Variants in HMGN5 observed in about 807,000 individuals in gnomAD.
HMGN5 encodes high mobility group nucleosome binding domain 5, also known as high mobility group nucleosome-binding domain-containing protein 5.
Under a neutral mutation model 9.5 loss-of-function variants are expected in HMGN5, and 4 were observed. The ratio of observed to expected loss-of-function variants is 0.42; its 90% CI spans 0.21 to 0.96. The LOEUF is 0.96. Among genes scored for constraint, HMGN5 ranks in the 40% least tolerant of loss-of-function variants. The pLI is 0.30. For synonymous variants in HMGN5, 55 were observed against 57.1 expected (o/e 0.96, Z 0.16); for missense variants, 192 against 187.5 (o/e 1.02, Z -0.14).
chrX:81,118,500 G>A lies in HMGN5; in HGVS notation c.76-15C>T. On this transcript the variant is annotated splice_polypyrimidine_tract_variant and intron_variant, in intron 4 of 6. Transcript: ENST00000358130. ...GGCACAAGCATCTGCTTCAAGTTGT[G>A]GGAAAAGAAAAGAAAAGGAAAAAAA... 8.7e-7 allele frequency: 1 copy of A among 1,147,625 alleles called. No individual in the cohort carries two copies. The highest frequency in any genetic ancestry group is 1.8e-5 in the African/African-American group (1 of 55,017). 94.6% of individuals were successfully genotyped at this position (1,147,625 alleles called of 1,213,427 possible).
chrX:81,154,193 A>G lies in HMGN5; in HGVS notation c.-123-32521T>C, dbSNP rs774086132. On this transcript the variant is annotated intron_variant, in intron 1 of 6. Coordinates refer to ENST00000358130, the MANE Select transcript of HMGN5 (RefSeq NM_030763.3). ...ATACACCAAAGGAATAGAATAGAAA[A>G]CTCAGAGTTAATCCATACATATACA... 2.7e-5 allele frequency among the ~76,000 whole-genome samples: 3 copies of G among 111,274 alleles called. No homozygotes were observed. The South Asian group carries it at 1.1e-3, about 42-fold the overall frequency.
chrX:81,124,575 A>C (rs1370515675), intron 1 of HMGN5, among the ~76,000 whole-genome samples: 2 of 112,252 alleles, frequency 1.8e-5, no homozygotes, highest in African/African-American at 6.5e-5. Context: ...AAATTGGGTC[A>C]AACTTGTATA....
intron 1 of HMGN5, among the ~76,000 whole-genome samples, chrX:81,124,111 T>C (rs1175260390): frequency 8.9e-6 from 1 of 112,376 alleles, no homozygotes; most frequent in Non-Finnish European, 1.9e-5. Context: ...TTTTCTTTTT[T>C]GGCCAGTTTT....
intron 1 of HMGN5, among the ~76,000 whole-genome samples, chrX:81,169,705 A>G (rs1360575377): frequency 9.0e-6 from 1 of 111,382 alleles, no homozygotes; most frequent in African/African-American, 3.3e-5. Context: ...AGGGATATCA[A>G]GAAAAAAACA....
At chrX:81,199,193 G>T (rs2075517844) in intron 1 of HMGN5, among the ~76,000 whole-genome samples, 1 of 111,529 alleles carries the variant, frequency 9.0e-6, no homozygotes, top group African/African-American at 3.3e-5. Context: ...ACCTCTTCAA[G>T]GAGAACTACA....
chrX:81,148,347 C>A (rs1044315909), intron 1 of HMGN5, among the ~76,000 whole-genome samples: 1 of 112,013 alleles, frequency 8.9e-6, no homozygotes, highest in Admixed American at 9.5e-5. Context: ...ACCATCTGAT[C>A]TTTGACAAAC....
chrX:81,132,075 C>G (rs192808251), intron 1 of HMGN5, among the ~76,000 whole-genome samples: 1 of 111,094 alleles, frequency 9.0e-6, no homozygotes, highest in Non-Finnish European at 1.9e-5. Flanking sequence ...CAACAACAGT[C>G]AAGCCAAGAC....
At chrX:81,166,976 G>A (rs186668282) in intron 1 of HMGN5, among the ~76,000 whole-genome samples, 5 of 111,198 alleles carry the variant, frequency 4.5e-5, no homozygotes, top group Non-Finnish European at 9.4e-5. Context: ...GTCTTGGAGA[G>A]GGGACTGAAT....
chrX:81,145,963 A>G (rs982234913), intron 1 of HMGN5, among the ~76,000 whole-genome samples: 24 of 111,718 alleles, frequency 2.1e-4, no homozygotes, highest in Admixed American at 1.8e-3. Context: ...TATCCTAAAT[A>G]TATATGCACC....
chrX:81,199,964 T>C (rs1318391892), intron 1 of HMGN5, among the ~76,000 whole-genome samples: 2 of 111,822 alleles, frequency 1.8e-5, no homozygotes, highest in Non-Finnish European at 3.8e-5. Context: ...GAGAAAATTT[T>C]TGCAATCTAC....
At chrX:81,182,495 A>G (rs1242976836) in intron 1 of HMGN5, among the ~76,000 whole-genome samples, 1 of 110,939 alleles carries the variant, frequency 9.0e-6, no homozygotes, top group East Asian at 2.9e-4. Context: ...TCCCCATTGG[A>G]GCTGTTGTTG....
intron 5 of HMGN5, 41 bp from the exon 6 acceptor site, chrX:81,116,382 T>G (rs762926290): frequency 1.0e-6 from 1 of 969,888 alleles, no homozygotes; most frequent in East Asian, 3.1e-5. Flanking sequence ...ATATACAATT[T>G]AACTGCTGTG....
chrX:81,151,283 C>T (rs909917144), intron 1 of HMGN5, among the ~76,000 whole-genome samples: 1 of 111,594 alleles, frequency 9.0e-6, no homozygotes, highest in Non-Finnish European at 1.9e-5. Flanking sequence ...TTTCTGAGGG[C>T]TCTGTTCTGT....
chrX:81,185,599 C>G (rs929804447), intron 1 of HMGN5, among the ~76,000 whole-genome samples: 2 of 111,163 alleles, frequency 1.8e-5, no homozygotes, highest in Non-Finnish European at 3.8e-5. Flanking sequence ...TTTGGGTACC[C>G]TTTATTTGTT....
chrX:81,115,212 C>T lies in HMGN5; in HGVS notation c.286G>A (p.Glu96Lys). The change falls in exon 7 of 7, where the codon GAA becomes AAA. Residue 96 changes from glutamate (E) to lysine (K), a missense_variant. Glu to Lys is a moderately conservative substitution (Grantham distance 56, BLOSUM62 1). Coordinates refer to ENST00000358130, the MANE Select transcript of HMGN5 (RefSeq NM_030763.3). ...KITEAPASEK[E>K]IVEVKEENIE... ...TTTTCTTCTTTTACTTCCACAATTT[C>T]TTTTTCAGAAGCTGGTGCCTGTAAG... The T allele has an allele frequency of 8.5e-7, 1 of 1,172,396 alleles. No homozygotes were observed. Among genetic ancestry groups the T allele is most frequent in the Non-Finnish European group, 1.1e-6 (1 of 880,066 alleles).
At chrX:81,119,542 A>T (rs2075263265) in intron 3 of HMGN5, among the ~76,000 whole-genome samples, 1 of 111,894 alleles carries the variant, frequency 8.9e-6, no homozygotes, top group East Asian at 2.8e-4. Flanking sequence ...TATTGTCAAG[A>T]ATATTTCCGT....
chrX:81,153,979 A>C (rs1353468924), intron 1 of HMGN5, among the ~76,000 whole-genome samples: 1 of 108,899 alleles, frequency 9.2e-6, no homozygotes, highest in Non-Finnish European at 1.9e-5. Context: ...ACCCCTATCA[A>C]AATACCAATG....
At chrX:81,145,951 A>G (rs2075342315) in intron 1 of HMGN5, among the ~76,000 whole-genome samples, 1 of 111,809 alleles carries the variant, frequency 8.9e-6, no homozygotes, top group Admixed American at 9.5e-5. Context: ...AGAAGAGCTA[A>G]CTATCCTAAA....
chrX:81,195,895 G>C (rs1480292943), intron 1 of HMGN5, among the ~76,000 whole-genome samples: 1 of 111,616 alleles, frequency 9.0e-6, no homozygotes, highest in Non-Finnish European at 1.9e-5. Context: ...TTCTATAGCT[G>C]AGTGGCGCCC....
Sources: gnomAD v4.1 joint callset for allele counts (sites outside exome capture counted in the v4.1 genomes callset) on GRCh38, gnomAD v4.1.1 for gene constraint, MANE v1.5 for transcripts, NCBI Gene and HGNC (gene_info 2026-07-23, HGNC 2026-07-21) for gene names.